DCC: variants seen among roughly 807,000 people sequenced by gnomAD.
DCC encodes DCC netrin 1 receptor, also known as netrin receptor DCC.
Under a neutral mutation model 172.5 loss-of-function variants are expected in DCC, and 58 were observed. That is an observed-to-expected ratio of 0.34 (90% confidence interval 0.27 to 0.42). The LOEUF (loss-of-function observed/expected upper bound fraction) is 0.42, where lower values mean the gene tolerates loss of function less well. Among genes scored for constraint, DCC ranks in the 10% least tolerant of loss-of-function variants. The pLI is 1.00. For synonymous variants in DCC, 709 were observed against 644.5 expected (o/e 1.10, Z -1.52); for missense variants, 1,740 against 1,791.0 (o/e 0.97, Z 0.51).
intron 2 of DCC, among the ~76,000 whole-genome samples, chr18:52,828,825 T>C (rs1451132937): frequency 6.6e-6 from 1 of 152,216 alleles, no homozygotes; most frequent in Non-Finnish European, 1.5e-5. Flanking sequence ...GAAGACATCC[T>C]CAAGTGAGAA....
chr18:52,750,010 T>C (rs6508158), intron 1 of DCC, among the ~76,000 whole-genome samples: 16,431 of 152,208 alleles, frequency 0.11, 2,959 homozygotes, highest in African/African-American at 0.37. Flanking sequence ...CAAGCCAGGT[T>C]TGCTAGCTTG....
Position 52,463,669 on chromosome 18 carries a change from T to G in DCC, c.91+122791T>G, listed in dbSNP as rs546678254. Among the ~76,000 whole-genome samples, 8 of 152,254 alleles carry G rather than the reference T, an allele frequency of 5.3e-5. No individual in the cohort carries two copies. The East Asian group carries it at 1.5e-3, about 29-fold the overall frequency. ...CATCATGGTCTTAGGTGGAGGTAAC[T>G]GTGGGAGGATTAACTGGACTGGCAT... On this transcript the variant is annotated intron_variant, in intron 1 of 28. Coordinates refer to ENST00000442544, the MANE Select transcript of DCC (RefSeq NM_005215.4).
At chr18:52,471,691 A>G (rs1295407531) in intron 1 of DCC, among the ~76,000 whole-genome samples, 1 of 152,236 alleles carries the variant, frequency 6.6e-6, no homozygotes, top group Non-Finnish European at 1.5e-5. Context: ...ATATCAGAGT[A>G]ATGACGAAGA....
At chr18:52,515,864 C>T (rs1489512407) in intron 1 of DCC, among the ~76,000 whole-genome samples, 2 of 139,320 alleles carry the variant, frequency 1.4e-5, no homozygotes, top group African/African-American at 5.4e-5. Flanking sequence ...AAAAGAACTA[C>T]TATGTAGATT....
intron 2 of DCC, among the ~76,000 whole-genome samples, chr18:52,759,871 C>A (rs978886234): frequency 1.3e-5 from 2 of 152,074 alleles, no homozygotes; most frequent in Non-Finnish European, 2.9e-5. Context: ...GAAATGAAGA[C>A]CCAAACCCCT....
chr18:53,514,337 CAA>C (rs1262593484), intron 27 of DCC, among the ~76,000 whole-genome samples: 2 of 152,010 alleles, frequency 1.3e-5, no homozygotes, highest in Non-Finnish European at 2.9e-5. Flanking sequence ...TAAATGCCCA[CAA>C]GAGAGAGCAG....
chr18:53,159,993 G>C (rs180818160), intron 8 of DCC, among the ~76,000 whole-genome samples: 198 of 152,218 alleles, frequency 1.3e-3, no homozygotes, highest in Non-Finnish European at 2.3e-3. Flanking sequence ...TGAAATTTAG[G>C]CTCAAAGTAT....
At chr18:52,860,193 C>T (rs2039118111) in intron 2 of DCC, among the ~76,000 whole-genome samples, 1 of 152,218 alleles carries the variant, frequency 6.6e-6, no homozygotes, top group African/African-American at 2.4e-5. Flanking sequence ...CTTCAGATGG[C>T]AGTGGCAATG....
chr18:53,461,557 GTTTTT>G (rs2045559830), intron 24 of DCC, among the ~76,000 whole-genome samples: 1 of 152,094 alleles, frequency 6.6e-6, no homozygotes, highest in Non-Finnish European at 1.5e-5. Context: ...CCCATTGCTT[GTTTTT>G]CTCAGGTTTG....
chr18:53,335,182 C>G (rs757688278), intron 14 of DCC, among the ~76,000 whole-genome samples: 7 of 152,188 alleles, frequency 4.6e-5, no homozygotes, highest in African/African-American at 1.4e-4. Context: ...GTTGTTTCCT[C>G]TCCCTACAGA....
At chr18:53,016,236 C>T (rs1260187733) in intron 5 of DCC, among the ~76,000 whole-genome samples, 1 of 152,040 alleles carries the variant, frequency 6.6e-6, no homozygotes, top group Non-Finnish European at 1.5e-5. Context: ...TTAAAAATTT[C>T]TAGGTAGTGT....
At chr18:52,942,502 G>C (rs1032229401) in intron 5 of DCC, among the ~76,000 whole-genome samples, 3 of 152,124 alleles carry the variant, frequency 2.0e-5, no homozygotes, top group Non-Finnish European at 4.4e-5. Flanking sequence ...CATAATCGGG[G>C]CTGGAAAGAA....
intron 1 of DCC, among the ~76,000 whole-genome samples, chr18:52,521,011 G>T (rs1407354666): frequency 6.6e-6 from 1 of 152,040 alleles, no homozygotes; most frequent in Non-Finnish European, 1.5e-5. Context: ...GAAAAATAGT[G>T]TATTTTTCAG....
At chr18:53,345,227 C>T (rs941559875) in intron 15 of DCC, among the ~76,000 whole-genome samples, 2 of 151,960 alleles carry the variant, frequency 1.3e-5, no homozygotes, top group African/African-American at 4.8e-5. Flanking sequence ...AACTCATGGT[C>T]TATACAAAAA....
chr18:52,730,206 C>A (rs1349571329), intron 1 of DCC, among the ~76,000 whole-genome samples: 1 of 152,034 alleles, frequency 6.6e-6, no homozygotes, highest in Non-Finnish European at 1.5e-5. Flanking sequence ...TGGCAATGTC[C>A]AGAGACATTT....
At chr18:53,117,179 A>C (rs538407045) in intron 7 of DCC, among the ~76,000 whole-genome samples, 1 of 151,898 alleles carries the variant, frequency 6.6e-6, no homozygotes, top group African/African-American at 2.4e-5. Flanking sequence ...GAGATCATTT[A>C]ATCCATTTCT....
chr18:52,408,562 C>G (rs1249260419), intron 1 of DCC, among the ~76,000 whole-genome samples: 2 of 151,966 alleles, frequency 1.3e-5, no homozygotes, highest in African/African-American at 4.8e-5. Flanking sequence ...AATTACACCC[C>G]AGGTTTTTAG....
At chr18:53,473,498 A>T (rs1256884619) in intron 25 of DCC, among the ~76,000 whole-genome samples, 1 of 152,220 alleles carries the variant, frequency 6.6e-6, no homozygotes, top group Non-Finnish European at 1.5e-5. Flanking sequence ...AGAGCAGTTA[A>T]ACTTGTTTTC....
chr18:52,997,016 C>T (rs1450348966), intron 5 of DCC, among the ~76,000 whole-genome samples: 1 of 152,064 alleles, frequency 6.6e-6, no homozygotes, highest in Non-Finnish European at 1.5e-5. Context: ...TAATGCTCAT[C>T]CTTACACGTT....
Sources: allele counts gnomAD v4.1 joint callset (sites outside exome capture counted in the v4.1 genomes callset), GRCh38; gene constraint gnomAD v4.1.1; transcripts MANE v1.5; gene names NCBI Gene and HGNC (gene_info 2026-07-23, HGNC 2026-07-21).